The following SCFD1 variants were observed in gnomAD, a reference collection of about 807,000 sequenced individuals.
The protein encoded by SCFD1 is sec1 family domain-containing protein 1.
SCFD1 carries 37 observed loss-of-function variants against 103.2 expected under a neutral mutation model. That is an observed-to-expected ratio of 0.36 (90% confidence interval 0.28 to 0.47). The LOEUF is 0.47. Among genes scored for constraint, SCFD1 ranks in the 20% least tolerant of loss-of-function variants. The pLI is 1.00. For synonymous variants in SCFD1, 264 were observed against 245.0 expected (o/e 1.08, Z -0.73); for missense variants, 639 against 761.2 (o/e 0.84, Z 1.89).
intron 15 of SCFD1, among the ~76,000 whole-genome samples, chr14:30,695,178 C>G (rs933969288): frequency 6.6e-6 from 1 of 152,134 alleles, no homozygotes; most frequent in African/African-American, 2.4e-5. Context: ...GTATAACATT[C>G]AAAGCAAGTG....
rs1377470020 is a variant in SCFD1 at position 30,630,582 on chromosome 14, T to A, written c.221+17T>A. On this transcript the variant is annotated intron_variant, in intron 3 of 24. Transcript: ENST00000458591. ...TCTGCATCTGTGAGTTTTTACATAT[T>A]TCTAATAGTGGTATTCATTTAAAGA... 2 of 1,354,656 alleles carry A rather than the reference T, an allele frequency of 1.5e-6. No homozygotes were observed. Among genetic ancestry groups the A allele is most frequent in the Non-Finnish European group, 2.1e-6 (2 of 946,748 alleles). 83.9% of individuals were successfully genotyped at this position (1,354,656 alleles called of 1,614,324 possible). A position where few individuals can be genotyped will look rare whatever the true frequency, so the allele number is the denominator to read the frequency against.
chr14:30,635,251 T>C (rs1884607125), intron 4 of SCFD1, among the ~76,000 whole-genome samples: 1 of 152,208 alleles, frequency 6.6e-6, no homozygotes, highest in South Asian at 2.1e-4. Context: ...ATAACACCTT[T>C]ATTGAAATTA....
chr14:30,682,650 T>G (rs1395277986), intron 14 of SCFD1, among the ~76,000 whole-genome samples: 1 of 152,214 alleles, frequency 6.6e-6, no homozygotes, highest in African/African-American at 2.4e-5. Context: ...TGTAGTGACA[T>G]ATACCAACCA....
At position 30,702,393 on chromosome 14, in the gene SCFD1, CTTT is replaced by C; in HGVS notation, c.1490+19_1490+21del. On this transcript the variant is annotated intron_variant, in intron 17 of 24. Transcript: ENST00000458591. ...CAGTGGAAGTAAGTTTTATTTTCTT[CTTT>C]AATTCCTGTCATTTAAAAGAGTACA... 6.9e-7 allele frequency: 1 copy of C among 1,444,960 alleles called. No homozygotes were observed. The highest frequency in any genetic ancestry group is 9.5e-7 in the Non-Finnish European group (1 of 1,049,168). 89.5% of individuals were successfully genotyped at this position (1,444,960 alleles called of 1,614,324 possible).
At chr14:30,673,373 A>G in intron 12 of SCFD1, 26 bp downstream of exon 12, 2 of 1,276,622 alleles carry the variant, frequency 1.6e-6, no homozygotes. Flanking sequence ...CTTTCTAAGA[A>G]TTATAGGAAA....
rs765751248 is a variant in SCFD1 at position 30,722,575 on chromosome 14, C to A, written c.1836+16C>A. 6.6e-7 allele frequency: 1 copy of A among 1,525,304 alleles called. No homozygotes were observed. The highest frequency in any genetic ancestry group is 1.2e-5 in the South Asian group (1 of 83,176). 94.5% of individuals were successfully genotyped at this position (1,525,304 alleles called of 1,614,324 possible). A position where few individuals can be genotyped will look rare whatever the true frequency, so the allele number is the denominator to read the frequency against. ...CTACATAAAGGTACATTTTATTTAG[C>A]CTTTTTATTCTGTTGTTAGATGGTT... On this transcript the variant is annotated intron_variant, in intron 23 of 24. Coordinates refer to ENST00000458591, the MANE Select transcript of SCFD1 (RefSeq NM_016106.4).
intron 23 of SCFD1, among the ~76,000 whole-genome samples, chr14:30,723,308 G>A (rs571156652): frequency 6.6e-6 from 1 of 152,156 alleles, no homozygotes; most frequent in Admixed American, 6.5e-5. Context: ...CTGTTTCATA[G>A]GACACGCTTC....
intron 10 of SCFD1, 64 bp downstream of exon 10, chr14:30,653,652 A>G: frequency 3.6e-6 from 4 of 1,102,228 alleles, no homozygotes; most frequent in Non-Finnish European, 5.4e-6. Context: ...CCTTTAATTT[A>G]AAATTAACAT....
intron 21 of SCFD1, 92 bp from the exon 22 acceptor site, chr14:30,721,792 C>T: frequency 9.7e-7 from 1 of 1,031,914 alleles, no homozygotes; most frequent in East Asian, 2.5e-5. Context: ...AAATACTTAC[C>T]TAATAGTGCA....
chr14:30,680,192 A>C (rs1287284889), intron 14 of SCFD1, among the ~76,000 whole-genome samples: 2 of 152,234 alleles, frequency 1.3e-5, no homozygotes, highest in Non-Finnish European at 2.9e-5. Context: ...GTCATTTAGC[A>C]AGACCTAGTT....
intron 10 of SCFD1, among the ~76,000 whole-genome samples, chr14:30,654,320 C>G (rs533057221): frequency 2.8e-4 from 42 of 152,312 alleles, no homozygotes; most frequent in Admixed American, 2.5e-3. Context: ...GCTCAGGACT[C>G]TAGGGATTAC....
intron 23 of SCFD1, 107 bp from the exon 24 acceptor site, chr14:30,734,683 A>C (rs1021284469): frequency 1.9e-5 from 16 of 843,494 alleles, no homozygotes; most frequent in Non-Finnish European, 3.0e-5. Flanking sequence ...ATCCCAAAGA[A>C]AGACTGTTAA....
At chr14:30,712,849 CAA>C (rs1251450877) in intron 19 of SCFD1, among the ~76,000 whole-genome samples, 1 of 152,042 alleles carries the variant, frequency 6.6e-6, no homozygotes, top group South Asian at 2.1e-4. Context: ...TTTCTAAGAA[CAA>C]AAAATATGCT....
chr14:30,722,099 C>T (rs1032087606), intron 22 of SCFD1, among the ~76,000 whole-genome samples, 182 bp downstream of exon 22: 12 of 152,002 alleles, frequency 7.9e-5, no homozygotes, highest in Admixed American at 5.2e-4. Context: ...TTAAAAATAA[C>T]GGACAATTCA....
At chr14:30,730,575 T>C (rs560606911) in intron 23 of SCFD1, among the ~76,000 whole-genome samples, 15 of 152,352 alleles carry the variant, frequency 9.8e-5, no homozygotes, top group African/African-American at 3.6e-4. Context: ...ATGTATCTCA[T>C]TGTGGTTTTG....
chr14:30,658,338 A>G (rs1887105824), intron 10 of SCFD1: 2 of 154,946 alleles, frequency 1.3e-5, no homozygotes, highest in East Asian at 3.7e-4. Context: ...TTCCAAATAA[A>G]TATGTATTTT....
intron 10 of SCFD1, among the ~76,000 whole-genome samples, chr14:30,664,495 C>T (rs1887741176): frequency 6.6e-6 from 1 of 152,110 alleles, no homozygotes; most frequent in Non-Finnish European, 1.5e-5. Context: ...CCCTTCTTCT[C>T]CAAAGGATTG....
In SCFD1 at chr14:30,708,088, A is replaced by G. The variant is rs770637428; in HGVS notation, c.1629+23A>G. 7.4e-6 allele frequency: 11 copies of G among 1,489,292 alleles called. No individual in the cohort carries two copies. In the Admixed American group the frequency reaches 1.5e-4, roughly 20 times the overall value. 92.3% of individuals were successfully genotyped at this position (1,489,292 alleles called of 1,614,324 possible). ...CAAGTAAGTACACTTGTTAGAAAAC[A>G]TACTGGTAACTTTTAAACATAAATG... is the stretch of plus-strand genomic sequence containing the variant. On this transcript the variant is annotated intron_variant, in intron 19 of 24. Coordinates refer to ENST00000458591, the MANE Select transcript of SCFD1 (RefSeq NM_016106.4).
At chr14:30,735,317 C>T (rs1001144125) in intron 24 of SCFD1, among the ~76,000 whole-genome samples, 1 of 152,026 alleles carries the variant, frequency 6.6e-6, no homozygotes, top group African/African-American at 2.4e-5. Flanking sequence ...CAGTCTCTTG[C>T]TATGTTGCCA....
Sources: allele counts gnomAD v4.1 joint callset (sites outside exome capture counted in the v4.1 genomes callset), GRCh38; gene constraint gnomAD v4.1.1; transcripts MANE v1.5; gene names NCBI Gene and HGNC (gene_info 2026-07-23, HGNC 2026-07-21).